APOH: variants seen among roughly 807,000 people sequenced by gnomAD.
APOH encodes beta-2-glycoprotein 1.
In APOH, 48 loss-of-function variants were observed where a neutral mutation model predicts 39.8. The ratio of observed to expected loss-of-function variants is 1.21; its 90% CI spans 0.96 to 1.54. The LOEUF is 1.54. APOH is among the 40% of genes most tolerant of loss of function. The pLI is 0.00. For synonymous variants in APOH, 153 were observed against 151.1 expected (o/e 1.01, Z -0.09); for missense variants, 415 against 421.2 (o/e 0.99, Z 0.13).
At chr17:66,214,350 C>T in intron 7 of APOH, 103 bp downstream of exon 7, 1 of 1,138,334 alleles carries the variant, frequency 8.8e-7, no homozygotes, top group East Asian at 2.4e-5. Context: ...TGACCCACCG[C>T]ACCTGGCCTC....
In APOH at chr17:66,212,194, G is replaced by A. The variant is rs2073340172; in HGVS notation, c.983-6C>T. On this transcript the variant is annotated splice_region_variant and splice_polypyrimidine_tract_variant and intron_variant, in intron 7 of 7. Transcript: ENST00000205948. The stretch of plus-strand genomic sequence containing the variant: ...AAAAGCCAGAGAACTGTGTTCTGTT[G>A]GGGGAGAAAAAGATAAACATTCTAA... The A allele has an allele frequency of 6.2e-7, 1 of 1,612,070 alleles. No homozygotes were observed. The highest frequency in any genetic ancestry group is 1.1e-5 in the South Asian group (1 of 90,980).
Position 66,227,896 on chromosome 17 carries a change from C to T in APOH, c.241+124G>A. 3 of 1,002,740 alleles carry T rather than the reference C, an allele frequency of 3.0e-6. No individual in the cohort carries two copies. In the South Asian group the frequency reaches 4.9e-5, roughly 16 times the overall value. The allele number at this position is 1,002,740 out of a possible 1,614,324, so 62.1% of individuals were successfully genotyped here. ...CTCCCCAAGACCTTCTCATTTCTCT[C>T]CAACCTGGCTTTCTGCAGCATCTAC... On this transcript the variant is annotated intron_variant, in intron 2 of 7. Transcript: ENST00000205948.
At chr17:66,225,523 A>G (rs17769593) in intron 3 of APOH, among the ~76,000 whole-genome samples, 25,881 of 152,244 alleles carry the variant, frequency 0.17, 2,826 homozygotes, top group Non-Finnish European at 0.26. Context: ...GATTTGGCCC[A>G]GAGATCATAT....
At chr17:66,227,949 G>T in intron 2 of APOH, 71 bp downstream of exon 2, 1 of 1,511,076 alleles carries the variant, frequency 6.6e-7, no homozygotes, top group Non-Finnish European at 9.0e-7. Flanking sequence ...AGCATGACGA[G>T]GTAGCTTATT....
At chr17:66,224,470 T>TAAAAAAAAAAAAAAAAA (rs760150264) in intron 3 of APOH, among the ~76,000 whole-genome samples, 1 of 43,026 alleles carries the variant, frequency 2.3e-5, no homozygotes, top group Admixed American at 4.7e-4. Flanking sequence ...GAAGATCCTG[T>TAAAAAAAAAAAAAAAAA]AAAAAAAAAA....
Position 66,212,131 on chromosome 17 carries a change from C to A in APOH, c.*2G>T, listed in dbSNP as rs2073339531. ...CATTTTGTGTGGAATCTGAAAACCA[C>A]CTTAGCATGGCTTTACATCGGATGC... On this transcript the variant is annotated 3_prime_UTR_variant, in exon 8 of 8. Coordinates refer to ENST00000205948, the MANE Select transcript of APOH (RefSeq NM_000042.3). 6.2e-7 allele frequency: 1 copy of A among 1,612,952 alleles called. No homozygotes were observed. Among genetic ancestry groups the A allele is most frequent in the Admixed American group, 1.7e-5 (1 of 59,994 alleles).
Position 66,220,829 on chromosome 17 carries a change from G to A in APOH, c.416-87C>T, listed in dbSNP as rs189818496. 1.1e-5 allele frequency: 14 copies of A among 1,309,278 alleles called. No homozygotes were observed. In the African/African-American group the frequency reaches 1.6e-4, roughly 15 times the overall value. The allele number at this position is 1,309,278 out of a possible 1,614,324, so 81.1% of individuals were successfully genotyped here. On this transcript the variant is annotated intron_variant, in intron 4 of 7. Coordinates refer to ENST00000205948, the MANE Select transcript of APOH (RefSeq NM_000042.3). ...CCAGAAAGAAAAAAAAAACCCTAAG[G>A]ATAAACTTGAGAAAATGCAAACTGA...
At chr17:66,226,165 A>C in intron 2 of APOH, 41 bp from the exon 3 acceptor site, 2 of 1,111,994 alleles carry the variant, frequency 1.8e-6, no homozygotes, top group Middle Eastern at 4.4e-4. Flanking sequence ...TCTTTGGGCT[A>C]AAAAAAAACA....
chr17:66,218,749 C>G (rs2073380352), intron 5 of APOH, among the ~76,000 whole-genome samples: 1 of 152,130 alleles, frequency 6.6e-6, no homozygotes, highest in South Asian at 2.1e-4. Flanking sequence ...TAGGCTCACG[C>G]CTGTAATCCC....
At position 66,216,148 on chromosome 17, in the gene APOH, C is replaced by CA. The variant is rs1268578610; in HGVS notation, c.784+639dup. On this transcript the variant is annotated intron_variant, in intron 6 of 7. Transcript: ENST00000205948. ...CTACCATTACACTCCAGCTAGGCAA[C>CA]AGAGTGAGACTCCATCTCAAAAAAA... Among the ~76,000 whole-genome samples the CA allele has an allele frequency of 2.2e-5, 3 of 135,952 alleles. No individual in the cohort carries two copies. In the East Asian group the frequency reaches 6.5e-4, roughly 29 times the overall value. 89.2% of individuals were successfully genotyped at this position (135,952 alleles called of 152,430 possible).
At chr17:66,213,814 T>G (rs1179353096) in intron 7 of APOH, among the ~76,000 whole-genome samples, 1 of 151,980 alleles carries the variant, frequency 6.6e-6, no homozygotes, top group South Asian at 2.1e-4. Flanking sequence ...GGTGCGTGCA[T>G]GTAATCTCAG....
Position 66,223,735 on chromosome 17 carries a change from C to A in APOH, c.378G>T (p.Glu126Asp). Residue 126 changes from glutamate to aspartate, a missense_variant, in exon 4 of 8, where the codon GAG (glutamate) becomes GAT (aspartate). Glu to Asp is a conservative substitution (Grantham distance 45). Coordinates refer to ENST00000205948, the MANE Select transcript of APOH (RefSeq NM_000042.3). ...GAAGCTCCGGGCTCCATTTTCCTTC[C>A]TCAGTGCACTTGGCAGAATCAGCGC... is the stretch of plus-strand genomic sequence containing the variant. Reference protein sequence around the residue: ...LNGADSAKCTEEGKWSPELPV... With the variant: ...LNGADSAKCTDEGKWSPELPV... The A allele has an allele frequency of 6.2e-7, 1 of 1,614,208 alleles. No homozygotes were observed. The highest frequency in any genetic ancestry group is 1.3e-5 in the African/African-American group (1 of 75,064).
intron 6 of APOH, among the ~76,000 whole-genome samples, chr17:66,216,024 A>G (rs1009501407): frequency 5.3e-5 from 8 of 152,100 alleles, no homozygotes; most frequent in Non-Finnish European, 1.2e-4. Flanking sequence ...TGCAATGAGA[A>G]GAGCCTTGGC....
chr17:66,226,653 G>T lies in APOH; in HGVS notation c.242-529C>A, dbSNP rs995909631. ...AAAAAAAAAATTGGATAGTCTAAGG[G>T]TTCATCAGGGGACTGTTTTAATTAA... On this transcript the variant is annotated intron_variant, in intron 2 of 7. Coordinates refer to ENST00000205948, the MANE Select transcript of APOH (RefSeq NM_000042.3). Among the ~76,000 whole-genome samples the T allele has an allele frequency of 3.3e-5, 5 of 151,936 alleles. No homozygotes were observed. The South Asian group carries it at 6.2e-4, about 19-fold the overall frequency.
Position 66,220,624 on chromosome 17 carries a change from A to C in APOH, c.534T>G (p.His178Gln). ...DTAVFECLPQ[H>Q]AMFGNDTITC... is the part of the protein sequence containing the mutation. ...TAATTGTATCATTTCCAAACATCGC[A>C]TGTTGTGGCAAACATTCAAAAACTG... is the stretch of plus-strand genomic sequence containing the variant. Residue 178 changes from histidine to glutamine, a missense_variant, in exon 5 of 8, where the codon CAT becomes CAG. Coordinates refer to ENST00000205948, the MANE Select transcript of APOH (RefSeq NM_000042.3). The C allele has an allele frequency of 1.2e-6, 2 of 1,614,182 alleles. No individual in the cohort carries two copies.
intron 2 of APOH, among the ~76,000 whole-genome samples, chr17:66,227,437 G>A (rs948945976): frequency 6.6e-6 from 1 of 152,076 alleles, no homozygotes; most frequent in African/African-American, 2.4e-5. Context: ...AAAGAATAAT[G>A]CTAGCATGAT....
At chr17:66,219,038 G>A (rs1159679228) in intron 5 of APOH, among the ~76,000 whole-genome samples, 1 of 151,884 alleles carries the variant, frequency 6.6e-6, no homozygotes, top group Non-Finnish European at 1.5e-5. Context: ...ATTATTATAG[G>A]AGACTAGAGA....
chr17:66,222,354 G>T (rs913198385), intron 4 of APOH, among the ~76,000 whole-genome samples: 1 of 151,400 alleles, frequency 6.6e-6, no homozygotes, highest in African/African-American at 2.4e-5. Context: ...ACTGCACTCC[G>T]GCCTGGGCAA....
chr17:66,223,757 G>C lies in APOH; in HGVS notation c.356C>G (p.Ala119Gly). The stretch of plus-strand genomic sequence containing the variant: ...TTCCTCAGTGCACTTGGCAGAATCA[G>C]CGCCATTCAGATAAAACCTGCAAAA... ...SCNTGFYLNG[A>G]DSAKCTEEGK... Residue 119 changes from alanine to glycine, a missense_variant, in exon 4 of 8, where the codon GCT becomes GGT. Around this residue, in one of 3 missense-constraint regions of APOH, gnomAD observed 288 missense variants for 284.9 expected, o/e 1.01. Transcript: ENST00000205948. 6.2e-7 allele frequency: 1 copy of C among 1,614,172 alleles called. No homozygotes were observed. The highest frequency in any genetic ancestry group is 8.5e-7 in the Non-Finnish European group (1 of 1,180,020).
Sources: gnomAD v4.1 joint callset for allele counts (sites outside exome capture counted in the v4.1 genomes callset) on GRCh38, gnomAD v4.1.1 for gene constraint, gnomAD v4.1.1 regional missense constraint, MANE v1.5 for transcripts, NCBI Gene and HGNC (gene_info 2026-07-23, HGNC 2026-07-21) for gene names.